Variants in LOXL1 observed in about 807,000 individuals in gnomAD.
LOXL1 encodes the protein lysyl oxidase like 1, also known as lysyl oxidase homolog 1.
LOXL1 carries 31 observed loss-of-function variants against 62.2 expected under a neutral mutation model. That is an observed-to-expected ratio of 0.50 (90% confidence interval 0.37 to 0.67). The LOEUF is 0.67. Among genes scored for constraint, LOXL1 ranks in the 30% least tolerant of loss-of-function variants. The pLI, the probability that LOXL1 is intolerant of heterozygous loss-of-function variation, is 0.00. For synonymous variants in LOXL1, 403 were observed against 384.4 expected, an observed-to-expected ratio of 1.05 and a Z score of -0.56; for missense variants, 775 against 843.4, an observed-to-expected ratio of 0.92 and a Z score of 1.00.
In LOXL1 at chr15:73,927,303, C is replaced by T; in HGVS notation, c.520C>T (p.Pro174Ser). ...CACCTACCGCCAGCAGCCCTCCTAC[C>T]CGCAGCAGTTCCCCTACCCGCAGGC... ...ASTYRQQPSY[P>S]QQFPYPQAPF... Residue 174 changes from proline to serine, a missense_variant, in exon 1 of 7, where the codon CCG becomes TCG. Pro to Ser is a moderately conservative substitution (Grantham distance 74). Transcript: ENST00000261921. 1 of 1,603,750 alleles carries T rather than the reference C, an allele frequency of 6.2e-7. No individual in the cohort carries two copies. The highest frequency in any genetic ancestry group is 8.5e-7 in the Non-Finnish European group (1 of 1,177,092).
chr15:73,927,214 CCTCCGTCTCCCAGCAACGGCACGGGGG>C lies in LOXL1; in HGVS notation c.437_463del (p.Val146_Ser154del), dbSNP rs746450666. On this transcript the variant is annotated inframe_deletion, in exon 1 of 7. Transcript: ENST00000261921. ...AGCACGGGCATGGCCCGGGCCCGCA[CCTCCGTCTCCCAGCAACGGCACGGGGG>C]CTCCGCCTCCTCGGTCTCGGCTTCG... 2 of 1,594,904 alleles carry C rather than the reference CCTCCGTCTCCCAGCAACGGCACGGGGG, an allele frequency of 1.3e-6. No homozygotes were observed. Among genetic ancestry groups the C allele is most frequent in the African/African-American group, 1.4e-5 (1 of 73,434 alleles).
chr15:73,935,174 A>G (rs1389687777), intron 1 of LOXL1, among the ~76,000 whole-genome samples: 2 of 152,134 alleles, frequency 1.3e-5, no homozygotes, highest in African/African-American at 2.4e-5. Context: ...CCTGACTGCT[A>G]AACAGGGCCC....
chr15:73,929,400 T>C (rs2068620022), intron 1 of LOXL1, among the ~76,000 whole-genome samples: 2 of 152,230 alleles, frequency 1.3e-5, no homozygotes, highest in African/African-American at 4.8e-5. Flanking sequence ...AGAGGGATGA[T>C]GCTTTGTCTC....
At position 73,927,079 on chromosome 15, in the gene LOXL1, C is replaced by T; in HGVS notation, c.296C>T (p.Ser99Phe). Residue 99 changes from serine to phenylalanine, a missense_variant, in exon 1 of 7, where the codon TCC becomes TTC. Coordinates refer to ENST00000261921, the MANE Select transcript of LOXL1 (RefSeq NM_005576.4). ...HGSPRRRQAP[S>F]LPLPGRVGSD... Reference sequence around the variant, plus strand: ...AGCCCCCGGCGTCGGCAGGCGCCGTCCCTGCCCCTGCCGGGGCGCGTGGGC... The same window carrying T: ...AGCCCCCGGCGTCGGCAGGCGCCGTTCCTGCCCCTGCCGGGGCGCGTGGGC... The T allele has an allele frequency of 7.6e-7, 1 of 1,308,262 alleles. No homozygotes were observed. The highest frequency in any genetic ancestry group is 9.8e-7 in the Non-Finnish European group (1 of 1,024,282). 81.0% of individuals were successfully genotyped at this position (1,308,262 alleles called of 1,614,324 possible).
intron 6 of LOXL1, among the ~76,000 whole-genome samples, chr15:73,950,657 G>A (rs1031605422): frequency 6.7e-6 from 1 of 149,926 alleles, no homozygotes; most frequent in Non-Finnish European, 1.5e-5. Context: ...GGCCCAGTGT[G>A]TAGCCAGGCT....
intron 1 of LOXL1, among the ~76,000 whole-genome samples, chr15:73,938,273 CCG>C (rs2068688357): frequency 4.6e-5 from 2 of 43,850 alleles, no homozygotes; most frequent in Admixed American, 2.3e-4. Context: ...GAGCTAGACT[CCG>C]TATCTATCTA....
At chr15:73,931,144 C>T (rs944862992) in intron 1 of LOXL1, among the ~76,000 whole-genome samples, 1 of 141,820 alleles carries the variant, frequency 7.1e-6, no homozygotes, top group Admixed American at 7.2e-5. Flanking sequence ...GCCTTACCCT[C>T]GCACCCCCCG....
At chr15:73,933,580 C>T (rs1279162765) in intron 1 of LOXL1, among the ~76,000 whole-genome samples, 1 of 152,234 alleles carries the variant, frequency 6.6e-6, no homozygotes, top group Non-Finnish European at 1.5e-5. Flanking sequence ...TCTCCTTCCT[C>T]CTAACCTCAG....
intron 1 of LOXL1, among the ~76,000 whole-genome samples, chr15:73,935,934 G>GGTGTGTGTGTGTGTGTGTGT (rs3056338): frequency 3.0e-4 from 40 of 131,936 alleles, no homozygotes; most frequent in East Asian, 4.7e-4. Context: ...AGGTAGAGCT[G>GGTGTGTGTGTGTGTGTGTGT]GTGTGTGTGT....
intron 2 of LOXL1, among the ~76,000 whole-genome samples, chr15:73,946,063 C>T (rs1015786541): frequency 3.3e-5 from 5 of 152,170 alleles, no homozygotes; most frequent in African/African-American, 1.2e-4. Context: ...AGTGGCCCTT[C>T]AGAGATTGCT....
rs116196538 is a variant in LOXL1, at chr15:73,937,714, G to A, written c.1103-5140G>A. ...GAAGGCCTATGACACAGTAGGGCAA[G>A]ACCCCAGGCTCCTGTCTCCCTCCTG... On this transcript the variant is annotated intron_variant, in intron 1 of 6. Transcript: ENST00000261921. 3.6e-3 allele frequency among the ~76,000 whole-genome samples: 551 copies of A among 152,364 alleles called. 1 individual carries two copies. The highest frequency in any genetic ancestry group is 0.012 in the African/African-American group (514 of 41,588).
rs1195561376 is a variant in LOXL1, at chr15:73,927,523, C to G, written c.740C>G (p.Pro247Arg). Reference sequence around the variant, plus strand: ...GGCGGCGAAGAGCTGCCCGAGTACCCGCCTCAGGGCTTCTACCCGGCCCCC... The same window carrying G: ...GGCGGCGAAGAGCTGCCCGAGTACCGGCCTCAGGGCTTCTACCCGGCCCCC... ...YGGGEELPEY[P>R]PQGFYPAPER... Residue 247 changes from proline to arginine, a missense_variant, in exon 1 of 7, where the codon CCG (proline) becomes CGG (arginine). Coordinates refer to ENST00000261921, the MANE Select transcript of LOXL1 (RefSeq NM_005576.4). 1.3e-6 allele frequency: 2 copies of G among 1,491,102 alleles called. No homozygotes were observed. The highest frequency in any genetic ancestry group is 1.8e-6 in the Non-Finnish European group (2 of 1,127,234). 92.4% of individuals were successfully genotyped at this position (1,491,102 alleles called of 1,614,324 possible).
intron 1 of LOXL1, among the ~76,000 whole-genome samples, chr15:73,931,016 C>G (rs1024166465): frequency 3.3e-5 from 5 of 152,158 alleles, no homozygotes; most frequent in African/African-American, 1.2e-4. Flanking sequence ...AGGCCCTCCT[C>G]TCCTGGGATC....
chr15:73,951,239 C>T (rs1482911399), intron 6 of LOXL1, among the ~76,000 whole-genome samples: 1 of 152,212 alleles, frequency 6.6e-6, no homozygotes, highest in Admixed American at 6.5e-5. Flanking sequence ...GGGCTGTCGG[C>T]AGGGCAGATG....
intron 1 of LOXL1, among the ~76,000 whole-genome samples, chr15:73,931,069 GCTGGGGGT>G (rs144009206): frequency 0.19 from 28,854 of 151,806 alleles, 2,951 homozygotes; most frequent in African/African-American, 0.26. Flanking sequence ...GCTTGTCTGA[GCTGGGGGT>G]CTTAGTGCCA....
At chr15:73,931,558 C>T (rs1006429485) in intron 1 of LOXL1, among the ~76,000 whole-genome samples, 16 of 152,150 alleles carry the variant, frequency 1.1e-4, no homozygotes, top group African/African-American at 3.9e-4. Context: ...CCATGCTGCT[C>T]GTGGGCCTAG....
In LOXL1 at chr15:73,927,057, C is replaced by A; in HGVS notation, c.274C>A (p.Pro92Thr). The part of the protein sequence containing the change: ...QAQQRRSHGS[P>T]RRRQAPSLPL... Reference sequence around the variant, plus strand: ...CCAGCAGCGGCGCAGCCACGGGAGCCCCCGGCGTCGGCAGGCGCCGTCCCT... The same window carrying A: ...CCAGCAGCGGCGCAGCCACGGGAGCACCCGGCGTCGGCAGGCGCCGTCCCT... The change falls in exon 1 of 7, where the codon CCC (proline) becomes ACC (threonine). Residue 92 changes from proline to threonine, a missense_variant. Coordinates refer to ENST00000261921, the MANE Select transcript of LOXL1 (RefSeq NM_005576.4). 1 of 1,318,888 alleles carries A rather than the reference C, an allele frequency of 7.6e-7. No individual in the cohort carries two copies. Among genetic ancestry groups the A allele is most frequent in the Non-Finnish European group, 9.7e-7 (1 of 1,028,736 alleles). The allele number at this position is 1,318,888 out of a possible 1,614,324, so 81.7% of individuals were successfully genotyped here.
rs1307843746 is a variant in LOXL1, at chr15:73,930,714, C to G, written c.1102+2829C>G. ...CCTCCATGGGTGGGTGGTTTCCAAG[C>G]GCCTGTCCTGAGCCCAGTTTCTTCC... is the stretch of plus-strand genomic sequence containing the variant. On this transcript the variant is annotated intron_variant, in intron 1 of 6. Transcript: ENST00000261921. This position sits in a 1 kb window ranked among gnomAD's most constrained non-coding sequence, Gnocchi z 4.7. Among the ~76,000 whole-genome samples, 1 of 152,190 alleles carries G rather than the reference C, an allele frequency of 6.6e-6. No homozygotes were observed. The highest frequency in any genetic ancestry group is 1.5e-5 in the Non-Finnish European group (1 of 68,026).
chr15:73,945,648 C>T lies in LOXL1; in HGVS notation c.1212-769C>T, dbSNP rs2068742220. Among the ~76,000 whole-genome samples, 1 of 152,138 alleles carries T rather than the reference C, an allele frequency of 6.6e-6. No homozygotes were observed. Among genetic ancestry groups the T allele is most frequent in the African/African-American group, 2.4e-5 (1 of 41,408 alleles). On this transcript the variant is annotated intron_variant, in intron 2 of 6. Transcript: ENST00000261921. The surrounding 1 kb of genome is among the most constrained non-coding windows in gnomAD (Gnocchi z 4.3). ...AGGCCCACACCCAAGACATGGCATA[C>T]TTTGGTCAACAATTAGGGCTCTGTC... is the stretch of plus-strand genomic sequence containing the variant.
Sources: gnomAD v4.1 joint callset for allele counts (sites outside exome capture counted in the v4.1 genomes callset) on GRCh38, gnomAD v4.1.1 for gene constraint, Gnocchi (gnomAD v3.1) non-coding constraint, MANE v1.5 for transcripts, NCBI Gene and HGNC (gene_info 2026-07-23, HGNC 2026-07-21) for gene names.